VPS36: variants seen among roughly 807,000 people sequenced by gnomAD.
VPS36 encodes the protein vacuolar protein sorting 36 homolog, also known as vacuolar protein-sorting-associated protein 36.
In VPS36, 31 loss-of-function variants were observed where a neutral mutation model predicts 63.5. That is an observed-to-expected ratio of 0.49 (90% CI 0.37 to 0.66). The LOEUF (loss-of-function observed/expected upper bound fraction) is 0.66. VPS36 is among the 30% of genes least tolerant of loss of function. The pLI, the probability that VPS36 is intolerant of heterozygous loss-of-function variation, is 0.00. For missense variants in VPS36, 338 were observed against 463.7 expected (o/e 0.73, Z 2.49); for synonymous variants, 138 against 157.2 (o/e 0.88, Z 0.91).
In VPS36 at chr13:52,444,452, T is replaced by A. The variant is rs556098243; in HGVS notation, c.97-2007A>T. On this transcript the variant is annotated intron_variant, in intron 1 of 13. Transcript: ENST00000378060. ...TCCAGCCTGGGTGACAGAGCAAGAC[T>A]CCGTTTAAAAAATACATATATATAC... Among the ~76,000 whole-genome samples the A allele has an allele frequency of 2.7e-5, 4 of 149,382 alleles. No homozygotes were observed. The South Asian group carries it at 8.4e-4, about 31-fold the overall frequency.
At chr13:52,449,299 A>G (rs1245323643) in intron 1 of VPS36, among the ~76,000 whole-genome samples, 1 of 152,230 alleles carries the variant, frequency 6.6e-6, no homozygotes, top group Non-Finnish European at 1.5e-5. Context: ...AGATCGCGCC[A>G]CTGCACTCCA....
intron 1 of VPS36, chr13:52,450,125 C>G: frequency 2.0e-6 from 2 of 995,098 alleles, no homozygotes; most frequent in Non-Finnish European, 2.4e-6. Flanking sequence ...GGTCTGGAAC[C>G]ACGCCAAGGA....
Position 52,423,640 on chromosome 13 carries a change from C to G in VPS36, c.775-1G>C. 1 of 1,608,930 alleles carries G rather than the reference C, an allele frequency of 6.2e-7. No individual in the cohort carries two copies. The highest frequency in any genetic ancestry group is 1.7e-5 in the Admixed American group (1 of 59,774). On this transcript the variant is annotated splice_acceptor_variant, in intron 9 of 13. Transcript: ENST00000378060. LOFTEE classifies it high-confidence loss of function. ...TGAGTGACATTATTCCCCCTCGTTC[C>G]TGTTCAAATATGAAATTTTTAAAAA...
At chr13:52,423,548 A>C (rs377101768) in intron 10 of VPS36, 26 bp downstream of exon 10, 6 of 1,589,030 alleles carry the variant, frequency 3.8e-6, no homozygotes, top group East Asian at 4.5e-5. Context: ...TTTGGTTAAA[A>C]GAGTATTTAA....
At chr13:52,437,811 T>C (rs1047542184) in intron 3 of VPS36, among the ~76,000 whole-genome samples, 20 of 151,946 alleles carry the variant, frequency 1.3e-4, no homozygotes, top group Non-Finnish European at 2.8e-4. Context: ...GCGCCTGTAG[T>C]CCCAGCTACT....
intron 3 of VPS36, among the ~76,000 whole-genome samples, chr13:52,437,873 T>C (rs1339637987): frequency 6.6e-6 from 1 of 151,338 alleles, no homozygotes; most frequent in Non-Finnish European, 1.5e-5. Context: ...GAGCTTGCAG[T>C]GAGCCAAGAT....
intron 6 of VPS36, among the ~76,000 whole-genome samples, chr13:52,430,361 A>G (rs1958142621): frequency 1.3e-5 from 2 of 152,170 alleles, no homozygotes. Flanking sequence ...GGCTGGGCAC[A>G]GTGACTCACG....
chr13:52,429,762 T>C lies in VPS36; in HGVS notation c.529-2543A>G, dbSNP rs1229038163. On this transcript the variant is annotated intron_variant, in intron 6 of 13. Transcript: ENST00000378060. ...TTACTTTATAAATTAAGAAAAACAT[T>C]ATTTTCAACATAACATTGAGTTAGT... Among the ~76,000 whole-genome samples, 6 of 152,116 alleles carry C rather than the reference T, an allele frequency of 3.9e-5. No homozygotes were observed. The East Asian group carries it at 5.8e-4, about 15-fold the overall frequency.
At chr13:52,422,679 G>C (rs1031302505) in intron 10 of VPS36, among the ~76,000 whole-genome samples, 1 of 152,178 alleles carries the variant, frequency 6.6e-6, no homozygotes, top group African/African-American at 2.4e-5. Flanking sequence ...GCACTAGTTT[G>C]TTAAGGATAA....
chr13:52,421,084 G>C (rs1958041199), intron 10 of VPS36, among the ~76,000 whole-genome samples: 1 of 152,128 alleles, frequency 6.6e-6, no homozygotes, highest in Non-Finnish European at 1.5e-5. Context: ...TTGTGCCACT[G>C]CACTCTACAG....
Position 52,414,964 on chromosome 13 carries a change from G to T in VPS36, c.*866C>A, listed in dbSNP as rs932833089. ...GCTGGAATATGATAGACTTTTTAAA[G>T]TTCAGTGTTGAAACTCCTTATGGAA... On this transcript the variant is annotated 3_prime_UTR_variant, in exon 14 of 14. Coordinates refer to ENST00000378060, the MANE Select transcript of VPS36 (RefSeq NM_016075.4). 1 of 152,184 alleles carries T rather than the reference G, an allele frequency of 6.6e-6. No individual in the cohort carries two copies. The highest frequency in any genetic ancestry group is 2.4e-5 in the African/African-American group (1 of 41,442). The allele number at this position is 152,184 out of a possible 1,614,324, so 9.4% of individuals were successfully genotyped here. A position where few individuals can be genotyped will look rare whatever the true frequency, so the allele number is the denominator to read the frequency against.
Position 52,442,455 on chromosome 13 carries a change from A to G in VPS36, c.97-10T>C, listed in dbSNP as rs926366536. On this transcript the variant is annotated splice_polypyrimidine_tract_variant and intron_variant, in intron 1 of 13. Coordinates refer to ENST00000378060, the MANE Select transcript of VPS36 (RefSeq NM_016075.4). Reference sequence around the variant, plus strand: ...CAGCATCAAATTTTATCTAGAAAGAAAGAGCATCACAAAATATTAATAACA... The same window carrying G: ...CAGCATCAAATTTTATCTAGAAAGAGAGAGCATCACAAAATATTAATAACA... The G allele has an allele frequency of 2.1e-5, 34 of 1,609,052 alleles. No homozygotes were observed. The highest frequency in any genetic ancestry group is 2.7e-5 in the Non-Finnish European group (32 of 1,177,980).
intron 1 of VPS36, chr13:52,450,223 C>T: frequency 9.3e-7 from 1 of 1,077,094 alleles, no homozygotes. Flanking sequence ...CGGAAGCATT[C>T]CGGGCGGAGG....
chr13:52,442,381 T>C lies in VPS36; in HGVS notation c.161A>G (p.Asn54Ser). The change falls in exon 2 of 14, where the codon AAT becomes AGT. Residue 54 changes from asparagine to serine, a missense_variant. Transcript: ENST00000378060. Reference sequence around the variant, plus strand: ...ATGCAAAAAACTGTATCTTACATGATTTTTCTGATCTCTCCAAATCAGTCG... The same window carrying C: ...ATGCAAAAAACTGTATCTTACATGACTTTTCTGATCTCTCCAAATCAGTCG... ...THRLIWRDQK[N>S]HECCMAILLS... The C allele has an allele frequency of 6.2e-7, 1 of 1,603,304 alleles. No individual in the cohort carries two copies. The highest frequency in any genetic ancestry group is 8.5e-7 in the Non-Finnish European group (1 of 1,177,214).
intron 1 of VPS36, chr13:52,450,234 G>A: frequency 1.8e-6 from 2 of 1,093,710 alleles, no homozygotes; most frequent in Non-Finnish European, 2.2e-6. Context: ...CGGGCGGAGG[G>A]AAGCGGCCGC....
chr13:52,421,876 G>A (rs934067049), intron 10 of VPS36, among the ~76,000 whole-genome samples: 6 of 151,958 alleles, frequency 3.9e-5, no homozygotes, highest in Non-Finnish European at 7.4e-5. Context: ...GGGTACAGGG[G>A]CTATTTTTAT....
chr13:52,435,999 GA>G (rs1176786358), intron 4 of VPS36: 1 of 266,588 alleles, frequency 3.8e-6, no homozygotes, highest in Admixed American at 4.7e-5. Context: ...CTATACCACT[GA>G]AAACTCTGCT....
chr13:52,427,593 C>T (rs1411500572), intron 6 of VPS36, among the ~76,000 whole-genome samples: 1 of 146,250 alleles, frequency 6.8e-6, no homozygotes, highest in Non-Finnish European at 1.5e-5. Flanking sequence ...GGCGACAAAG[C>T]AAGATTCTGT....
At chr13:52,434,542 A>G (rs1013332128) in intron 5 of VPS36, among the ~76,000 whole-genome samples, 2 of 152,098 alleles carry the variant, frequency 1.3e-5, no homozygotes, top group Non-Finnish European at 2.9e-5. Flanking sequence ...TATTTTTAGT[A>G]GAGACAGGGT....
Sources: allele counts gnomAD v4.1 joint callset (sites outside exome capture counted in the v4.1 genomes callset), GRCh38; gene constraint gnomAD v4.1.1; transcripts MANE v1.5; gene names NCBI Gene and HGNC (gene_info 2026-07-23, HGNC 2026-07-21).